CACNA2D3: variants seen among roughly 807,000 people sequenced by gnomAD.
The protein encoded by CACNA2D3 is calcium voltage-gated channel auxiliary subunit alpha2delta 3.
CACNA2D3 carries 60 observed loss-of-function variants against 160.6 expected under a neutral mutation model. That is an observed-to-expected ratio of 0.37 (90% CI 0.30 to 0.46). The LOEUF is 0.46. CACNA2D3 is among the 20% of genes least tolerant of loss of function. The pLI, the probability that CACNA2D3 is intolerant of heterozygous loss-of-function variation, is 1.00. For missense variants in CACNA2D3, 1,205 were observed against 1,365.0 expected (o/e 0.88, Z 1.85); for synonymous variants, 558 against 492.9 (o/e 1.13, Z -1.75).
intron 12 of CACNA2D3, among the ~76,000 whole-genome samples, chr3:54,763,892 TATGTGGG>T (rs1702165805): frequency 5.5e-4 from 2 of 3,650 alleles, no homozygotes; most frequent in African/African-American, 1.3e-3. Context: ...TATATATATG[TATGTGGG>T]GGGGGGGGGT....
intron 21 of CACNA2D3, 99 bp from the exon 22 acceptor site, chr3:54,885,182 C>T: frequency 7.8e-7 from 1 of 1,285,816 alleles, no homozygotes; most frequent in Middle Eastern, 1.9e-4. Context: ...TGATGTCTAC[C>T]CTTAACCCAC....
intron 11 of CACNA2D3, 40 bp downstream of exon 11, chr3:54,642,281 G>T (rs374235500): frequency 1.6e-6 from 2 of 1,215,932 alleles, no homozygotes; most frequent in Non-Finnish European, 2.4e-6. Context: ...TGGACTCCTT[G>T]AGAATCTTTA....
At chr3:54,974,256 G>A (rs1446104128) in intron 29 of CACNA2D3, among the ~76,000 whole-genome samples, 1 of 152,208 alleles carries the variant, frequency 6.6e-6, no homozygotes, top group Non-Finnish European at 1.5e-5. Context: ...CTGTGTTCTT[G>A]GAGGACTTAC....
intron 4 of CACNA2D3, among the ~76,000 whole-genome samples, chr3:54,482,541 C>T (rs1225690685): frequency 6.6e-6 from 1 of 152,120 alleles, no homozygotes; most frequent in East Asian, 1.9e-4. Context: ...TGTTTATTTT[C>T]TGTTTTCTGT....
intron 1 of CACNA2D3, 25 bp downstream of exon 1, chr3:54,122,860 CG>C (rs1326073828): frequency 4.9e-6 from 6 of 1,222,064 alleles, no homozygotes; most frequent in Non-Finnish European, 3.1e-6. Flanking sequence ...CTGCGCCGCC[CG>C]GGGAGGGGAC....
At chr3:54,995,702 C>T (rs930423631) in intron 31 of CACNA2D3, among the ~76,000 whole-genome samples, 2 of 152,194 alleles carry the variant, frequency 1.3e-5, no homozygotes, top group Non-Finnish European at 2.9e-5. Flanking sequence ...CTTGGCCTTA[C>T]CTCACTACAA....
At chr3:54,556,091 T>G (rs1028651097) in intron 5 of CACNA2D3, among the ~76,000 whole-genome samples, 1 of 152,122 alleles carries the variant, frequency 6.6e-6, no homozygotes, top group Non-Finnish European at 1.5e-5. Context: ...CCATGAGATA[T>G]GGGTATGTTG....
chr3:54,441,357 TTG>T (rs1700141622), intron 4 of CACNA2D3, among the ~76,000 whole-genome samples: 3 of 151,772 alleles, frequency 2.0e-5, no homozygotes, highest in African/African-American at 7.3e-5. Context: ...TTGTAAATTT[TTG>T]GAGTTCATTG....
intron 3 of CACNA2D3, among the ~76,000 whole-genome samples, chr3:54,331,546 C>A (rs539342639): frequency 1.3e-5 from 2 of 152,302 alleles, no homozygotes; most frequent in East Asian, 3.9e-4. Flanking sequence ...CATCACATTA[C>A]TGAGTGCTTC....
intron 14 of CACNA2D3, among the ~76,000 whole-genome samples, chr3:54,822,024 A>G (rs976997963): frequency 2.0e-5 from 3 of 152,180 alleles, no homozygotes; most frequent in African/African-American, 7.2e-5. Flanking sequence ...AAAACTGAGA[A>G]CTGATAACTA....
At chr3:54,310,793 C>G (rs1227717581) in intron 2 of CACNA2D3, among the ~76,000 whole-genome samples, 1 of 152,224 alleles carries the variant, frequency 6.6e-6, no homozygotes, top group African/African-American at 2.4e-5. Flanking sequence ...GTTCAGCACT[C>G]TGCTGCTGCG....
chr3:54,293,563 T>TTTTATATATA (rs1553783373), intron 2 of CACNA2D3, among the ~76,000 whole-genome samples: 1 of 149,724 alleles, frequency 6.7e-6, no homozygotes, highest in Non-Finnish European at 1.5e-5. Context: ...TAATATTCTA[T>TTTTATATATA]TATATATATA....
At chr3:55,003,414 T>C (rs1281256138) in intron 31 of CACNA2D3, among the ~76,000 whole-genome samples, 1 of 152,114 alleles carries the variant, frequency 6.6e-6, no homozygotes, top group East Asian at 1.9e-4. Context: ...GAGGGAGAGC[T>C]TGCCCCATCA....
At chr3:54,772,938 T>C (rs890344963) in intron 13 of CACNA2D3, among the ~76,000 whole-genome samples, 1 of 152,220 alleles carries the variant, frequency 6.6e-6, no homozygotes, top group African/African-American at 2.4e-5. Context: ...CAGGGGAGTT[T>C]ACACAGACCA....
chr3:54,466,088 A>G (rs1382108360), intron 4 of CACNA2D3, among the ~76,000 whole-genome samples: 1 of 152,174 alleles, frequency 6.6e-6, no homozygotes, highest in Admixed American at 6.5e-5. Context: ...CTCTTCTGCC[A>G]CCAGCCAGGG....
intron 3 of CACNA2D3, among the ~76,000 whole-genome samples, chr3:54,376,614 T>A (rs1462062673): frequency 6.6e-6 from 1 of 152,176 alleles, no homozygotes; most frequent in Non-Finnish European, 1.5e-5. Context: ...ATTTGCCTCT[T>A]CTCCCAACTG....
chr3:54,744,592 A>G (rs1304593947), intron 11 of CACNA2D3, among the ~76,000 whole-genome samples: 1 of 152,204 alleles, frequency 6.6e-6, no homozygotes, highest in Admixed American at 6.5e-5. Context: ...TGTCAACCCC[A>G]TTATCCTTGG....
intron 9 of CACNA2D3, among the ~76,000 whole-genome samples, chr3:54,618,352 C>CATATATATATAT (rs140732966): frequency 1.8e-3 from 219 of 119,874 alleles, no homozygotes; most frequent in African/African-American, 5.0e-3. Context: ...TTGATACATA[C>CATATATATATAT]ATATATATAT....
intron 5 of CACNA2D3, among the ~76,000 whole-genome samples, chr3:54,505,786 G>C (rs998212573): frequency 2.6e-5 from 4 of 152,174 alleles, no homozygotes; most frequent in Non-Finnish European, 4.4e-5. Context: ...AGATTTAATT[G>C]CACCTCTAGC....
Sources: allele counts gnomAD v4.1 joint callset (sites outside exome capture counted in the v4.1 genomes callset), GRCh38; gene constraint gnomAD v4.1.1; transcripts MANE v1.5; gene names NCBI Gene and HGNC (gene_info 2026-07-23, HGNC 2026-07-21).